ZFP64: variants seen among roughly 807,000 people sequenced by gnomAD.
The protein encoded by ZFP64 is ZFP64 zinc finger protein, also known as zinc finger protein 64.
A neutral mutation model predicts 51.6 loss-of-function variants in ZFP64; 14 were observed. The ratio of observed to expected loss-of-function variants is 0.27; its 90% CI spans 0.18 to 0.42. The LOEUF is 0.42. Ranked by LOEUF, ZFP64 falls within the 10% of genes least tolerant of loss-of-function variation. The probability of loss-of-function intolerance (pLI) is 1.00; values close to 1 mark genes in which losing one functional copy is unlikely to be tolerated. For synonymous variants in ZFP64, 375 were observed against 361.4 expected (o/e 1.04, Z -0.43); for missense variants, 754 against 906.8 (o/e 0.83, Z 2.16).
At chr20:52,105,182 G>T in intron 5 of ZFP64, 1 of 1,437,304 alleles carries the variant, frequency 7.0e-7, no homozygotes. Flanking sequence ...CCGGCGCGCA[G>T]GCCGCGGCTC....
intron 5 of ZFP64, among the ~76,000 whole-genome samples, chr20:52,126,409 A>T (rs1979447971): frequency 6.6e-6 from 1 of 152,142 alleles, no homozygotes; most frequent in South Asian, 2.1e-4. Flanking sequence ...ACTGTCAATC[A>T]TTCTAGTTCT....
intron 1 of ZFP64, among the ~76,000 whole-genome samples, chr20:52,190,393 C>G (rs1413068864): frequency 6.6e-6 from 1 of 152,130 alleles, no homozygotes; most frequent in Non-Finnish European, 1.5e-5. Flanking sequence ...TGTCGCTTAA[C>G]AACAGTGACT....
intron 6 of ZFP64, among the ~76,000 whole-genome samples, chr20:52,097,683 C>G (rs2079004851): frequency 6.6e-6 from 1 of 152,092 alleles, no homozygotes; most frequent in Non-Finnish European, 1.5e-5. Flanking sequence ...TGGTCTCAAA[C>G]TCCTGAACTC....
chr20:52,132,667 C>T (rs1600736322), intron 5 of ZFP64, among the ~76,000 whole-genome samples: 1 of 151,968 alleles, frequency 6.6e-6, no homozygotes, highest in Non-Finnish European at 1.5e-5. Context: ...TGAAGAAATC[C>T]AAAACCTGAA....
At chr20:52,113,491 G>A (rs577151860) in intron 5 of ZFP64, among the ~76,000 whole-genome samples, 1 of 141,656 alleles carries the variant, frequency 7.1e-6, no homozygotes, top group Admixed American at 7.4e-5. Flanking sequence ...GCAGTGGCGC[G>A]ATCTCGGCTC....
chr20:52,135,932 T>C (rs1979949073), intron 5 of ZFP64, among the ~76,000 whole-genome samples: 1 of 150,402 alleles, frequency 6.6e-6, no homozygotes, highest in African/African-American at 2.4e-5. Context: ...AACCCTGCCT[T>C]GACTAAAAAT....
In ZFP64 at chr20:52,123,026, C is replaced by T. The variant is rs140414379; in HGVS notation, c.764-24439G>A. Among the ~76,000 whole-genome samples, 841 of 152,008 alleles carry T rather than the reference C, an allele frequency of 5.5e-3. 13 individuals are homozygous for T. The highest frequency in any genetic ancestry group is 0.019 in the African/African-American group (798 of 41,424). On this transcript the variant is annotated intron_variant, in intron 5 of 8. Coordinates refer to the ZFP64 transcript ENST00000361387. Reference sequence around the variant, plus strand: ...TTTTTCAGACAGAGTCTCACTCTGTCACCCAGGTTGGAGTGCAGTGGTGGT... The same window carrying T: ...TTTTTCAGACAGAGTCTCACTCTGTTACCCAGGTTGGAGTGCAGTGGTGGT...
chr20:52,183,306 A>G (rs1046529798), intron 2 of ZFP64, among the ~76,000 whole-genome samples: 4 of 152,158 alleles, frequency 2.6e-5, no homozygotes, highest in Non-Finnish European at 5.9e-5. Context: ...GCCCAGAAAG[A>G]AGCAATGGCC....
intron 7 of ZFP64, among the ~76,000 whole-genome samples, chr20:52,091,036 T>G (rs1287831405): frequency 6.7e-6 from 1 of 149,994 alleles, no homozygotes; most frequent in South Asian, 2.1e-4. Context: ...GCCCAGAAGG[T>G]GAGCTCTGAT....
chr20:52,140,656 C>T (rs1039088327), intron 5 of ZFP64, among the ~76,000 whole-genome samples: 2 of 152,148 alleles, frequency 1.3e-5, no homozygotes, highest in South Asian at 2.1e-4. Flanking sequence ...ATCTCCACAT[C>T]GTAAAAGTGC....
rs569217390 is a variant in ZFP64, at chr20:52,165,781, T to C, written c.448+83A>G. 1.1e-5 allele frequency: 17 copies of C among 1,571,016 alleles called. No homozygotes were observed. In the East Asian group the frequency reaches 2.9e-4, roughly 27 times the overall value. Reference sequence around the variant, plus strand: ...AGTTTGGAACACATCCATGAGCAGTTGTCAGGAACTCATGAGGAGGAGCCC... The same window carrying C: ...AGTTTGGAACACATCCATGAGCAGTCGTCAGGAACTCATGAGGAGGAGCCC... On this transcript the variant is annotated intron_variant, in intron 3 of 5. Coordinates refer to ENST00000216923, the MANE Select transcript of ZFP64 (RefSeq NM_018197.3).
intron 6 of ZFP64, among the ~76,000 whole-genome samples, chr20:52,097,929 A>T (rs1475809181): frequency 3.3e-5 from 5 of 151,854 alleles, no homozygotes; most frequent in Non-Finnish European, 5.9e-5. Context: ...TTAGCCAGAC[A>T]TGGTGGTGCA....
In ZFP64 at chr20:52,191,773, C is replaced by A; in HGVS notation, c.-137G>T. The A allele has an allele frequency of 7.9e-6, 9 of 1,138,562 alleles. No individual in the cohort carries two copies. Among genetic ancestry groups the A allele is most frequent in the Non-Finnish European group, 1.1e-5 (9 of 853,378 alleles). 70.5% of individuals were successfully genotyped at this position (1,138,562 alleles called of 1,614,324 possible). ...TCCCAACTCTGCGAGGCGGGGAGGA[C>A]GGATGTAAAGCAAGCTGCACTTCCG... On this transcript the variant is annotated 5_prime_UTR_variant, in exon 1 of 6. Transcript: ENST00000216923. This position sits in a 1 kb window ranked among gnomAD's most constrained non-coding sequence, Gnocchi z 4.3.
At chr20:52,183,127 G>T (rs1437328368) in intron 2 of ZFP64, among the ~76,000 whole-genome samples, 3 of 152,140 alleles carry the variant, frequency 2.0e-5, no homozygotes, top group Non-Finnish European at 1.5e-5. Context: ...GTTCATCATG[G>T]CTGCTGCAAT....
intron 5 of ZFP64, among the ~76,000 whole-genome samples, chr20:52,115,614 C>A (rs1416700153): frequency 2.6e-5 from 4 of 151,714 alleles, no homozygotes; most frequent in Admixed American, 2.6e-4. Flanking sequence ...GGGGTTTCAC[C>A]ATGTTGGCCA....
chr20:52,111,294 G>A (rs1453999275), intron 5 of ZFP64, among the ~76,000 whole-genome samples: 1 of 143,938 alleles, frequency 6.9e-6, no homozygotes, highest in South Asian at 2.2e-4. Flanking sequence ...TCGGCTCATC[G>A]CAACCTCCAG....
Position 52,129,382 on chromosome 20 carries a change from C to T in ZFP64, c.763+30741G>A, listed in dbSNP as rs558783375. Among the ~76,000 whole-genome samples, 582 of 151,680 alleles carry T rather than the reference C, an allele frequency of 3.8e-3. 3 individuals are homozygous for T. The highest frequency in any genetic ancestry group is 5.6e-3 in the Non-Finnish European group (383 of 67,952). Reference sequence around the variant, plus strand: ...TATGTTGCCCAGGCTGGTCTCTTAACTCCTGAGCTCAGGCAGTCTGCCTGC... The same window carrying T: ...TATGTTGCCCAGGCTGGTCTCTTAATTCCTGAGCTCAGGCAGTCTGCCTGC... On this transcript the variant is annotated intron_variant, in intron 5 of 8. Coordinates refer to the ZFP64 transcript ENST00000361387.
intron 5 of ZFP64, among the ~76,000 whole-genome samples, chr20:52,142,378 A>ACACACACACACACGCG (rs1491325770): frequency 6.5e-4 from 25 of 38,348 alleles, no homozygotes; most frequent in African/African-American, 2.2e-3. Context: ...ACACACACAG[A>ACACACACACACACGCG]CACACACACA....
intron 8 of ZFP64, chr20:52,088,284 G>A (rs2122699672): frequency 1.3e-6 from 2 of 1,496,886 alleles, no homozygotes; most frequent in African/African-American, 1.4e-5. Flanking sequence ...CCAAATTCTT[G>A]TACTTCTACC....
Sources: allele counts gnomAD v4.1 joint callset (sites outside exome capture counted in the v4.1 genomes callset), GRCh38; gene constraint gnomAD v4.1.1; non-coding constraint Gnocchi (gnomAD v3.1); transcripts MANE v1.5; gene names NCBI Gene and HGNC (gene_info 2026-07-23, HGNC 2026-07-21).